Variants in CAMTA1 observed in about 807,000 individuals in gnomAD.
The protein encoded by CAMTA1 is calmodulin binding transcription activator 1, also known as calmodulin-binding transcription activator 1.
A neutral mutation model predicts 170.9 loss-of-function variants in CAMTA1; 27 were observed. The observed-to-expected ratio is 0.16, with a 90% CI of 0.12 to 0.22. The LOEUF is 0.22. CAMTA1 is among the 10% of genes least tolerant of loss of function. The pLI is 1.00. For missense variants in CAMTA1, 1,619 were observed against 2,217.2 expected (o/e 0.73, Z 5.42); for synonymous variants, 833 against 891.5 (o/e 0.93, Z 1.17).
chr1:7,710,829 AT>A (rs1403275705), intron 11 of CAMTA1, among the ~76,000 whole-genome samples: 1 of 152,060 alleles, frequency 6.6e-6, no homozygotes, highest in African/African-American at 2.4e-5. Context: ...CGTCTGCCAA[AT>A]TACCAGATGT....
intron 5 of CAMTA1, among the ~76,000 whole-genome samples, chr1:7,460,733 A>G (rs2093065060): frequency 6.6e-6 from 1 of 152,002 alleles, no homozygotes; most frequent in Non-Finnish European, 1.5e-5. Flanking sequence ...CATCAGCTTT[A>G]TACCCTGGAC....
chr1:7,672,175 G>C (rs2096066152), intron 10 of CAMTA1: 9 of 419,848 alleles, frequency 2.1e-5, no homozygotes, highest in South Asian at 1.4e-4. Flanking sequence ...GCCTAGAAAG[G>C]AGAGAAGATG....
At chr1:7,704,130 C>T (rs1479587524) in intron 11 of CAMTA1, among the ~76,000 whole-genome samples, 1 of 151,224 alleles carries the variant, frequency 6.6e-6, no homozygotes, top group Non-Finnish European at 1.5e-5. Flanking sequence ...TTGCGCAGCG[C>T]CGGCTCCTCC....
intron 5 of CAMTA1, among the ~76,000 whole-genome samples, chr1:7,266,011 CAG>C (rs1668867183): frequency 6.6e-6 from 1 of 152,240 alleles, no homozygotes; most frequent in Admixed American, 6.5e-5. Flanking sequence ...CTTCCCTTGA[CAG>C]TACTTGGCTG....
chr1:7,366,171 A>ATTTG (rs1387186906), intron 5 of CAMTA1, among the ~76,000 whole-genome samples: 2 of 152,142 alleles, frequency 1.3e-5, no homozygotes, highest in African/African-American at 4.8e-5. Flanking sequence ...AAGCAGTGTG[A>ATTTG]TTTGGGGAGT....
chr1:7,267,380 C>T (rs956521353), intron 5 of CAMTA1, among the ~76,000 whole-genome samples: 1 of 152,156 alleles, frequency 6.6e-6, no homozygotes, highest in Non-Finnish European at 1.5e-5. Context: ...TAGGTTTTCA[C>T]TCAGCAGTTC....
intron 5 of CAMTA1, chr1:7,389,762 A>G (rs988987824): frequency 2.0e-5 from 3 of 152,738 alleles, no homozygotes; most frequent in East Asian, 1.9e-4. Context: ...GAGTCCAAGC[A>G]CAGGGTCCCC....
rs538795364 is a variant in CAMTA1, at chr1:7,733,251, A to G, written c.3066+652A>G. ...GGCCAGATGGTGACTTAGACCTGCTAGGGTTCAGAATTAATTTAGAATCTT... is the reference window on the plus strand; with the variant it reads ...GGCCAGATGGTGACTTAGACCTGCTGGGGTTCAGAATTAATTTAGAATCTT... On this transcript the variant is annotated intron_variant, in intron 12 of 22. Transcript: ENST00000303635. Among the ~76,000 whole-genome samples the G allele has an allele frequency of 6.6e-5, 10 of 152,252 alleles. No homozygotes were observed. In the East Asian group the frequency reaches 1.9e-3, roughly 29 times the overall value.
intron 6 of CAMTA1, among the ~76,000 whole-genome samples, chr1:7,491,897 C>T (rs1000138742): frequency 2.0e-5 from 3 of 152,162 alleles, no homozygotes; most frequent in African/African-American, 4.8e-5. Flanking sequence ...TTTGGTGTTC[C>T]GACGAAACAA....
At chr1:7,297,933 A>G (rs1360906013) in intron 5 of CAMTA1, among the ~76,000 whole-genome samples, 1 of 152,190 alleles carries the variant, frequency 6.6e-6, no homozygotes, top group Non-Finnish European at 1.5e-5. Context: ...GGCAGGAATC[A>G]ATATCTATTT....
intron 3 of CAMTA1, among the ~76,000 whole-genome samples, chr1:7,017,058 A>C (rs753847190): frequency 3.3e-5 from 5 of 152,024 alleles, no homozygotes; most frequent in Non-Finnish European, 5.9e-5. Context: ...ACACCCCACC[A>C]CTGGGAGTCT....
chr1:6,813,466 C>T (rs1398200261), intron 1 of CAMTA1, among the ~76,000 whole-genome samples: 1 of 151,100 alleles, frequency 6.6e-6, no homozygotes, highest in Non-Finnish European at 1.5e-5. Context: ...GAGTATTCCC[C>T]CTACTCCTTT....
At chr1:7,546,962 A>G (rs1278588322) in intron 6 of CAMTA1, among the ~76,000 whole-genome samples, 1 of 152,122 alleles carries the variant, frequency 6.6e-6, no homozygotes, top group Non-Finnish European at 1.5e-5. Context: ...AAGTACTTTC[A>G]TAGTATATGC....
intron 5 of CAMTA1, among the ~76,000 whole-genome samples, chr1:7,318,201 C>T (rs1677826803): frequency 6.6e-6 from 1 of 152,190 alleles, no homozygotes; most frequent in Admixed American, 6.5e-5. Context: ...AGAAATTTTC[C>T]TGCATTGCTA....
chr1:7,559,421 C>T (rs1447034877), intron 6 of CAMTA1, among the ~76,000 whole-genome samples: 4 of 152,162 alleles, frequency 2.6e-5, no homozygotes, highest in African/African-American at 9.7e-5. Flanking sequence ...GCTGTCTCAG[C>T]CAGGGGCTGC....
intron 6 of CAMTA1, among the ~76,000 whole-genome samples, chr1:7,594,794 G>C (rs2095386249): frequency 6.6e-6 from 1 of 152,248 alleles, no homozygotes; most frequent in Admixed American, 6.5e-5. Flanking sequence ...TGCATGGAAG[G>C]TTCTTGTCCT....
chr1:7,236,453 G>C (rs1194606855), intron 4 of CAMTA1, among the ~76,000 whole-genome samples: 3 of 152,218 alleles, frequency 2.0e-5, no homozygotes, highest in African/African-American at 7.2e-5. Flanking sequence ...ACTATGAGTT[G>C]TTGTGACTGT....
intron 5 of CAMTA1, among the ~76,000 whole-genome samples, chr1:7,449,289 G>T (rs537224072): frequency 6.6e-6 from 1 of 152,330 alleles, no homozygotes; most frequent in African/African-American, 2.4e-5. Context: ...GTGTGCGTGG[G>T]CCAAGCAACA....
intron 6 of CAMTA1, among the ~76,000 whole-genome samples, chr1:7,617,225 G>T (rs2095565089): frequency 6.6e-6 from 1 of 152,222 alleles, no homozygotes; most frequent in Non-Finnish European, 1.5e-5. Flanking sequence ...CATGGTCGTG[G>T]CTGAGGAGTC....
Sources: gnomAD v4.1 joint callset for allele counts (sites outside exome capture counted in the v4.1 genomes callset) on GRCh38, gnomAD v4.1.1 for gene constraint, MANE v1.5 for transcripts, NCBI Gene and HGNC (gene_info 2026-07-23, HGNC 2026-07-21) for gene names.